The following CDH4 variants were observed in gnomAD, a reference collection of about 807,000 sequenced individuals.
CDH4 encodes cadherin 4.
Under a neutral mutation model 86.0 loss-of-function variants are expected in CDH4, and 33 were observed. The ratio of observed to expected loss-of-function variants is 0.38; its 90% confidence interval spans 0.29 to 0.51. The LOEUF is 0.51. Among genes scored for constraint, CDH4 ranks in the 20% least tolerant of loss-of-function variants. The pLI, the probability that CDH4 is intolerant of heterozygous loss-of-function variation, is 0.86. For missense variants in CDH4, 1,114 were observed against 1,307.4 expected, an observed-to-expected ratio of 0.85 and a Z score of 2.28; for synonymous variants, 555 against 549.4, an observed-to-expected ratio of 1.01 and a Z score of -0.14.
At chr20:61,873,995 C>T (rs539898390) in intron 7 of CDH4, 95 bp downstream of exon 7, 30 of 1,355,614 alleles carry the variant, frequency 2.2e-5, no homozygotes, top group African/African-American at 1.4e-4. Context: ...GTGGCGCCGT[C>T]GGGGAGTGAT....
intron 2 of CDH4, among the ~76,000 whole-genome samples, chr20:61,306,634 G>A (rs2084418854): frequency 2.6e-5 from 4 of 152,050 alleles, no homozygotes; most frequent in African/African-American, 7.2e-5. Context: ...GCACCCAGCC[G>A]CCATTAAGTT....
intron 2 of CDH4, among the ~76,000 whole-genome samples, chr20:61,733,142 G>A (rs1360505862): frequency 6.6e-6 from 1 of 152,124 alleles, no homozygotes; most frequent in African/African-American, 2.4e-5. Context: ...AAGAAGAAGG[G>A]CAGTCTCCTG....
chr20:61,873,039 T>C (rs1310776303), intron 6 of CDH4, among the ~76,000 whole-genome samples: 1 of 151,884 alleles, frequency 6.6e-6, no homozygotes, highest in Non-Finnish European at 1.5e-5. Flanking sequence ...TGTGCCAGAG[T>C]GCACTATAGA....
intron 2 of CDH4, among the ~76,000 whole-genome samples, chr20:61,273,425 AGTTTGGGGGAGG>A (rs2084198522): frequency 8.4e-5 from 6 of 71,204 alleles, no homozygotes; most frequent in Non-Finnish European, 1.3e-4. Context: ...TACCATGTGC[AGTTTGGGGGAGG>A]ACCATGTGCA....
chr20:61,889,754 A>T (rs1984720588), intron 7 of CDH4, among the ~76,000 whole-genome samples: 1 of 147,574 alleles, frequency 6.8e-6, no homozygotes, highest in Non-Finnish European at 1.5e-5. Flanking sequence ...GGATGGATGG[A>T]TGCATGGATG....
chr20:61,683,113 T>C (rs1180029504), intron 2 of CDH4, among the ~76,000 whole-genome samples: 3 of 152,136 alleles, frequency 2.0e-5, no homozygotes, highest in Non-Finnish European at 4.4e-5. Flanking sequence ...ATGGCTTTGA[T>C]TCAACATTTT....
At chr20:61,878,746 C>T (rs1158547064) in intron 7 of CDH4, among the ~76,000 whole-genome samples, 1 of 152,262 alleles carries the variant, frequency 6.6e-6, no homozygotes, top group Non-Finnish European at 1.5e-5. Context: ...CTGGCATTGG[C>T]CACCCCACTC....
intron 2 of CDH4, among the ~76,000 whole-genome samples, chr20:61,624,176 C>T (rs565292097): frequency 2.2e-4 from 34 of 152,296 alleles, no homozygotes; most frequent in African/African-American, 8.2e-4. Context: ...GGTCAGTGTT[C>T]CCCAAAGCCG....
At position 61,810,689 on chromosome 20, in the gene CDH4, A is replaced by G. The variant is rs1980387851; in HGVS notation, c.577-33979A>G. 6.6e-6 allele frequency among the ~76,000 whole-genome samples: 1 copy of G among 152,158 alleles called. No homozygotes were observed. The highest frequency in any genetic ancestry group is 1.5e-5 in the Non-Finnish European group (1 of 68,030). On this transcript the variant is annotated intron_variant, in intron 4 of 15. Transcript: ENST00000614565. The surrounding 1 kb of genome is among the most constrained non-coding windows in gnomAD (Gnocchi z 4.3). ...AGGGCTATAAAACATTTAATTTTGG[A>G]AAAAATCAGTACTCTGCCGCTAGAT...
At position 61,320,383 on chromosome 20, in the gene CDH4, G is replaced by T. The variant is rs544765484; in HGVS notation, c.169+65446G>T. On this transcript the variant is annotated intron_variant, in intron 2 of 15. Coordinates refer to ENST00000614565, the MANE Select transcript of CDH4 (RefSeq NM_001794.5). ...CTAGTCCCTGGGGGCTCACAGCCTG[G>T]TGGGCAAGAGGAGCACCAACCACAA... 7.9e-5 allele frequency among the ~76,000 whole-genome samples: 12 copies of T among 152,262 alleles called. No homozygotes were observed. The South Asian group carries it at 2.5e-3, about 32-fold the overall frequency.
intron 2 of CDH4, among the ~76,000 whole-genome samples, chr20:61,464,078 G>A (rs6089731): frequency 1.3e-5 from 2 of 152,182 alleles, no homozygotes; most frequent in Non-Finnish European, 2.9e-5. Context: ...TTATGGTTCA[G>A]GTAGAATTAG....
At chr20:61,864,974 T>C (rs1313104691) in intron 6 of CDH4, among the ~76,000 whole-genome samples, 1 of 152,168 alleles carries the variant, frequency 6.6e-6, no homozygotes, top group Non-Finnish European at 1.5e-5. Context: ...TCCAGGGCTC[T>C]GTGCCACACC....
intron 2 of CDH4, among the ~76,000 whole-genome samples, chr20:61,455,974 G>A (rs1254599846): frequency 6.6e-6 from 1 of 151,966 alleles, no homozygotes; most frequent in Non-Finnish European, 1.5e-5. Flanking sequence ...GAGAAGGAAG[G>A]ATAGAAGGAT....
chr20:61,283,543 G>A (rs1159946540), intron 2 of CDH4, among the ~76,000 whole-genome samples: 4 of 138,838 alleles, frequency 2.9e-5, no homozygotes, highest in African/African-American at 8.0e-5. Flanking sequence ...ATTTACACGC[G>A]TGTGCTGTGG....
intron 2 of CDH4, among the ~76,000 whole-genome samples, chr20:61,474,327 A>ATTTTTTTTTT (rs1170158714): frequency 8.0e-6 from 1 of 124,380 alleles, no homozygotes; most frequent in Non-Finnish European, 1.7e-5. Flanking sequence ...CACCCAGCTA[A>ATTTTTTTTTT]TTTTTTTTTT....
chr20:61,890,749 T>A (rs1314464392), intron 7 of CDH4, among the ~76,000 whole-genome samples: 1 of 152,172 alleles, frequency 6.6e-6, no homozygotes, highest in Non-Finnish European at 1.5e-5. Context: ...TTTTTGTATC[T>A]CCTTGACTCC....
intron 2 of CDH4, among the ~76,000 whole-genome samples, chr20:61,349,271 G>A (rs892496864): frequency 6.6e-5 from 10 of 152,346 alleles, no homozygotes; most frequent in African/African-American, 1.2e-4. Flanking sequence ...CTCCGTAGCC[G>A]TGGAGTTGGT....
intron 6 of CDH4, among the ~76,000 whole-genome samples, chr20:61,864,947 T>G (rs957360212): frequency 6.6e-6 from 1 of 152,184 alleles, no homozygotes; most frequent in African/African-American, 2.4e-5. Context: ...CTCTCCAGTC[T>G]GCTGTGCAGC....
At position 61,577,063 on chromosome 20, in the gene CDH4, T is replaced by C. The variant is rs1341498092; in HGVS notation, c.170-166500T>C. Among the ~76,000 whole-genome samples, 3 of 152,272 alleles carry C rather than the reference T, an allele frequency of 2.0e-5. No homozygotes were observed. The East Asian group carries it at 5.8e-4, about 29-fold the overall frequency. ...CATAAATGTTTTGTGTGTTAAAGGA[T>C]GCATGGATGTTTTGCATGTTGAAGG... On this transcript the variant is annotated intron_variant, in intron 2 of 15. Transcript: ENST00000614565.
Sources: gnomAD v4.1 joint callset for allele counts (sites outside exome capture counted in the v4.1 genomes callset) on GRCh38, gnomAD v4.1.1 for gene constraint, Gnocchi (gnomAD v3.1) non-coding constraint, MANE v1.5 for transcripts, NCBI Gene and HGNC (gene_info 2026-07-23, HGNC 2026-07-21) for gene names.